Variants in TRPM1 observed in about 807,000 individuals in gnomAD.
TRPM1 encodes the protein TRPM1-203 APA Isoform, Intron 10.
In TRPM1, 113 loss-of-function variants were observed where a neutral mutation model predicts 149.4. That is an observed-to-expected ratio of 0.76 (90% CI 0.65 to 0.88). TRPM1 has a LOEUF of 0.88. Ranked by LOEUF, TRPM1 falls within the 40% of genes least tolerant of loss-of-function variation. The pLI is 0.00. For missense variants in TRPM1, 1,976 were observed against 2,038.7 expected (o/e 0.97, Z 0.59); for synonymous variants, 741 against 759.5 (o/e 0.98, Z 0.40).
At chr15:31,100,649 A>G (rs891929331) in intron 1 of TRPM1, among the ~76,000 whole-genome samples, 1 of 152,206 alleles carries the variant, frequency 6.6e-6, no homozygotes, top group African/African-American at 2.4e-5. Flanking sequence ...CCATCCTAAA[A>G]CAACTGATAT....
chr15:31,119,776 AAGTGATAT>A (rs1383656694), intron 1 of TRPM1, among the ~76,000 whole-genome samples: 4 of 152,200 alleles, frequency 2.6e-5, no homozygotes, highest in Non-Finnish European at 5.9e-5. Flanking sequence ...ACTACTCATG[AAGTGATAT>A]AGTGTTAATT....
chr15:31,087,230 G>GTTTTTTTTTTTT (rs1486533022), intron 1 of TRPM1, among the ~76,000 whole-genome samples: 2 of 87,470 alleles, frequency 2.3e-5, no homozygotes, highest in African/African-American at 4.7e-5. Flanking sequence ...TCTCAATAGG[G>GTTTTTTTTTTTT]ATTTTTTTTT....
At chr15:31,127,652 A>C (rs1485213080) in intron 1 of TRPM1, among the ~76,000 whole-genome samples, 3 of 152,122 alleles carry the variant, frequency 2.0e-5, no homozygotes, top group Non-Finnish European at 2.9e-5. Flanking sequence ...TGGAGTCACA[A>C]AGAGCTCAGT....
At chr15:31,138,810 T>C (rs935487364) in intron 1 of TRPM1, among the ~76,000 whole-genome samples, 1 of 152,194 alleles carries the variant, frequency 6.6e-6, no homozygotes, top group South Asian at 2.1e-4. Flanking sequence ...AAAAATTCTT[T>C]GTAAAAGAAA....
At chr15:31,106,857 C>G (rs1465747995) in intron 1 of TRPM1, among the ~76,000 whole-genome samples, 1 of 152,160 alleles carries the variant, frequency 6.6e-6, no homozygotes, top group Non-Finnish European at 1.5e-5. Context: ...CAAAACTTCC[C>G]TTCATAGAGA....
rs534221059 is a variant in TRPM1, at chr15:31,067,095, C to A, written c.586G>T (p.Val196Leu). 1 of 1,614,186 alleles carries A rather than the reference C, an allele frequency of 6.2e-7. No homozygotes were observed. The highest frequency in any genetic ancestry group is 1.1e-5 in the South Asian group (1 of 91,082). The change falls in exon 6 of 28, where the codon GTG (valine) becomes TTG (leucine). Residue 196 changes from valine (V) to leucine (L), a missense_variant. By Grantham distance (32) the Val-to-Leu change is conservative (BLOSUM62 1). Around this residue, in one of 3 missense-constraint regions of TRPM1, gnomAD observed 1,332 missense variants for 1,347.1 expected, o/e 0.99. Coordinates refer to ENST00000256552, the MANE Select transcript of TRPM1 (RefSeq NM_001252024.2). ...CCAACCAGGTCTTCCTTATTCTCCA[C>A]GATGCCCCATGGAGCAATTCCTATA... ...CAIGIAPWGI[V>L]ENKEDLVGKD...
At chr15:31,009,744 CTT>C (rs1285615818) in intron 27 of TRPM1, among the ~76,000 whole-genome samples, 2 of 152,014 alleles carry the variant, frequency 1.3e-5, no homozygotes, top group Non-Finnish European at 2.9e-5. Context: ...CATTTACTCT[CTT>C]GTTCAAATTG....
chr15:31,140,844 CAG>C (rs1395579548), intron 1 of TRPM1, among the ~76,000 whole-genome samples: 5 of 152,148 alleles, frequency 3.3e-5, no homozygotes, highest in Non-Finnish European at 5.9e-5. Flanking sequence ...TTTTTTGAGA[CAG>C]AGTCTTGCTC....
chr15:31,076,970 C>T lies in TRPM1; in HGVS notation c.18G>A (p.Trp6Ter). The change falls in exon 3 of 28, where the codon TGG becomes TGA. Residue 6 changes from tryptophan to a stop codon, truncating the protein, a stop_gained. Coordinates refer to ENST00000256552, the MANE Select transcript of TRPM1 (RefSeq NM_001252024.2). LOFTEE classifies it high-confidence loss of function. MGQKS[W>*]IEKTFCKREC... is the part of the protein sequence containing the mutation. ...CCCGTTTGCAAAAGGTTTTCTCTAT[C>T]CAAGATTTCTGACCCTGGAAGAGAG... 6.2e-7 allele frequency: 1 copy of T among 1,612,074 alleles called. No homozygotes were observed. Among genetic ancestry groups the T allele is most frequent in the Admixed American group, 1.7e-5 (1 of 60,018 alleles).
intron 11 of TRPM1, among the ~76,000 whole-genome samples, chr15:31,052,278 G>T (rs1000320583): frequency 4.6e-5 from 7 of 152,104 alleles, no homozygotes; most frequent in Non-Finnish European, 1.0e-4. Flanking sequence ...TACAAATATG[G>T]ATGAAAAAGT....
intron 10 of TRPM1, 50 bp from the exon 11 acceptor site, chr15:31,060,694 C>T (rs1344470647): frequency 6.8e-7 from 1 of 1,467,942 alleles, no homozygotes. Flanking sequence ...CCTGGACCGC[C>T]AGGGTTTGGC....
intron 27 of TRPM1, among the ~76,000 whole-genome samples, chr15:31,007,426 T>A (rs2032030592): frequency 6.6e-6 from 1 of 152,180 alleles, no homozygotes; most frequent in Admixed American, 6.5e-5. Context: ...AACTGGATAG[T>A]GTGATTCCTC....
At chr15:31,077,448 T>C (rs199556228) in intron 2 of TRPM1, among the ~76,000 whole-genome samples, 1 of 151,772 alleles carries the variant, frequency 6.6e-6, no homozygotes, top group Non-Finnish European at 1.5e-5. Flanking sequence ...CCTCTTGTTC[T>C]GTCACCAGGG....
intron 27 of TRPM1, among the ~76,000 whole-genome samples, chr15:31,017,425 A>G (rs2032405847): frequency 6.6e-6 from 1 of 152,240 alleles, no homozygotes; most frequent in Admixed American, 6.5e-5. Flanking sequence ...TTTCTGATTA[A>G]CATATGGCCA....
At chr15:31,035,760 C>T in intron 20 of TRPM1, 86 bp from the exon 21 acceptor site, 2 of 1,581,934 alleles carry the variant, frequency 1.3e-6, no homozygotes, top group Non-Finnish European at 1.7e-6. Flanking sequence ...CAGGTTGACA[C>T]ATCTAAAAGA....
chr15:31,031,814 A>G (rs2033093262), intron 22 of TRPM1, among the ~76,000 whole-genome samples: 1 of 152,016 alleles, frequency 6.6e-6, no homozygotes, highest in South Asian at 2.1e-4. Flanking sequence ...CTGCTGGTTC[A>G]TTTTCAGTTT....
rs977435179 is a variant in TRPM1, at chr15:31,050,662, C to T, written c.1264-80G>A. ...CCAGACCAGCTCATTGACCCTCCCA[C>T]CTCTGTATGTGCACACATGCACACC... On this transcript the variant is annotated intron_variant, in intron 11 of 27. Coordinates refer to ENST00000256552, the MANE Select transcript of TRPM1 (RefSeq NM_001252024.2). 5 of 1,490,356 alleles carry T rather than the reference C, an allele frequency of 3.4e-6. No individual in the cohort carries two copies. In the African/African-American group the frequency reaches 6.9e-5, roughly 20 times the overall value. 92.3% of individuals were successfully genotyped at this position (1,490,356 alleles called of 1,614,324 possible). A position where few individuals can be genotyped will look rare whatever the true frequency, so the allele number is the denominator to read the frequency against.
chr15:31,122,549 T>A (rs952062698), intron 1 of TRPM1, among the ~76,000 whole-genome samples: 3 of 152,154 alleles, frequency 2.0e-5, no homozygotes, highest in Non-Finnish European at 4.4e-5. Flanking sequence ...TATGAACAAC[T>A]GGAATTTCAA....
chr15:31,035,063 G>A (rs916059975), intron 21 of TRPM1, among the ~76,000 whole-genome samples: 1 of 152,190 alleles, frequency 6.6e-6, no homozygotes, highest in Non-Finnish European at 1.5e-5. Context: ...GGAGTGCAGT[G>A]GCGCGATCTC....
Sources: allele counts gnomAD v4.1 joint callset (sites outside exome capture counted in the v4.1 genomes callset), GRCh38; gene constraint gnomAD v4.1.1; regional missense constraint gnomAD v4.1.1; transcripts MANE v1.5; gene names NCBI Gene and HGNC (gene_info 2026-07-23, HGNC 2026-07-21).